ADAP1: variants seen among roughly 807,000 people sequenced by gnomAD.
ADAP1 encodes arf-GAP with dual PH domain-containing protein 1.
A neutral mutation model predicts 54.9 loss-of-function variants in ADAP1; 31 were observed. The ratio of observed to expected loss-of-function variants is 0.56; its 90% CI spans 0.42 to 0.76. The LOEUF is 0.76. Among genes scored for constraint, ADAP1 ranks in the 30% least tolerant of loss-of-function variants. The pLI is 0.00. For synonymous variants in ADAP1, 313 were observed against 202.6 expected, an observed-to-expected ratio of 1.55 and a Z score of -4.63; for missense variants, 535 against 512.4, an observed-to-expected ratio of 1.04 and a Z score of -0.42.
Position 898,923 on chromosome 7 carries a change from A to G in ADAP1, c.1123T>C (p.Ter375GlnextTer45). 1 of 1,606,578 alleles carries G rather than the reference A, an allele frequency of 6.2e-7. No individual in the cohort carries two copies. The highest frequency in any genetic ancestry group is 8.5e-7 in the Non-Finnish European group (1 of 1,177,024). ...CCGTGGTCCTCCAGCCGCACTCGCT[A>G]AGGTTTATGCTTGAAGTGCGCCTCC... is the stretch of plus-strand genomic sequence containing the variant. Reference protein sequence around the residue: ...AVEAHFKHKP* With the variant: ...AVEAHFKHKPQ Residue 375 changes from the stop codon to glutamine, a stop_lost, in exon 11 of 11, where the codon TAG becomes CAG. Transcript: ENST00000265846.
At chr7:908,159 G>A (rs1358267396) in intron 4 of ADAP1, among the ~76,000 whole-genome samples, 1 of 152,186 alleles carries the variant, frequency 6.6e-6, no homozygotes, top group East Asian at 1.9e-4. Context: ...GGGGCTGTGG[G>A]CTCCAGGCGG....
chr7:952,312 G>A (rs73044454), intron 1 of ADAP1, among the ~76,000 whole-genome samples: 3,553 of 152,208 alleles, frequency 0.023, 107 homozygotes, highest in Non-Finnish European at 0.032. Flanking sequence ...CAGGCCTGGC[G>A]TTCAGAGGTG....
intron 1 of ADAP1, among the ~76,000 whole-genome samples, chr7:947,533 C>G (rs562846967): frequency 6.6e-6 from 1 of 152,138 alleles, no homozygotes; most frequent in Admixed American, 6.5e-5. Flanking sequence ...ACTGCTCCCA[C>G]GTCCCCATCT....
At chr7:913,633 C>G (rs904408830) in intron 4 of ADAP1, among the ~76,000 whole-genome samples, 2 of 152,126 alleles carry the variant, frequency 1.3e-5, no homozygotes, top group African/African-American at 4.8e-5. Flanking sequence ...CCAGCTTTAG[C>G]CATTAAAAGC....
Position 912,484 on chromosome 7 carries a change from G to A in ADAP1, c.389-7312C>T, listed in dbSNP as rs572539177. Among the ~76,000 whole-genome samples, 7 of 152,290 alleles carry A rather than the reference G, an allele frequency of 4.6e-5. No homozygotes were observed. In the South Asian group the frequency reaches 6.2e-4, roughly 14 times the overall value. On this transcript the variant is annotated intron_variant, in intron 4 of 10. Transcript: ENST00000265846. ...CGCAGTGACCTTGGCCCAGGGAGGC[G>A]GCGCAGAGGGTGGGGGAGCCCTGCT...
chr7:905,782 A>G lies in ADAP1; in HGVS notation c.389-610T>C, dbSNP rs867344176. ...AGAAGGGAGAAAGGAGAAAGGAGAA[A>G]GGAGAAAGGAGAAAGGAGAAAGGAG... On this transcript the variant is annotated intron_variant, in intron 4 of 10. Transcript: ENST00000265846. 2.3e-3 allele frequency among the ~76,000 whole-genome samples: 70 copies of G among 30,168 alleles called. 1 individual carries two copies. The highest frequency in any genetic ancestry group is 2.8e-3 in the African/African-American group (19 of 6,826). The allele number at this position is 30,168 out of a possible 152,430, so 19.8% of individuals were successfully genotyped here.
intron 2 of ADAP1, among the ~76,000 whole-genome samples, chr7:934,516 C>T (rs538262791): frequency 8.4e-4 from 128 of 152,248 alleles, no homozygotes; most frequent in African/African-American, 2.8e-3. Flanking sequence ...TGCGGCCCTT[C>T]GGTCCCACTC....
At chr7:901,035 G>A (rs753576412) in intron 6 of ADAP1, 4 of 473,452 alleles carry the variant, frequency 8.4e-6, no homozygotes, top group South Asian at 1.5e-5. Flanking sequence ...AGCAAGTCTT[G>A]GGGTGGTGGG....
Position 946,940 on chromosome 7 carries a change from T to TG in ADAP1, c.82+7455dup, listed in dbSNP as rs2128112137. Among the ~76,000 whole-genome samples the TG allele has an allele frequency of 6.6e-6, 1 of 152,354 alleles. No individual in the cohort carries two copies. Among genetic ancestry groups the TG allele is most frequent in the Non-Finnish European group, 1.5e-5 (1 of 68,024 alleles). ...GGAGCCCAGGAGTTCGAGACCAGCCTGGGCAACATAGTGAGACACCGCGAC... is the reference window on the plus strand; with the variant it reads ...GGAGCCCAGGAGTTCGAGACCAGCCTGGGGCAACATAGTGAGACACCGCGAC... On this transcript the variant is annotated intron_variant, in intron 1 of 10. Coordinates refer to ENST00000265846, the MANE Select transcript of ADAP1 (RefSeq NM_006869.4). The surrounding 1 kb of genome is among the most constrained non-coding windows in gnomAD (Gnocchi z 4.3).
chr7:905,298 C>G (rs1458095173), intron 4 of ADAP1, 126 bp from the exon 5 acceptor site: 5 of 260,668 alleles, frequency 1.9e-5, no homozygotes, highest in South Asian at 3.5e-5. Flanking sequence ...GGGACACGGA[C>G]AGGGGGAGAC....
intron 4 of ADAP1, among the ~76,000 whole-genome samples, chr7:916,564 G>A (rs1845940097): frequency 6.6e-6 from 1 of 152,186 alleles, no homozygotes; most frequent in Non-Finnish European, 1.5e-5. Flanking sequence ...ATTCTTTGGG[G>A]GTTTAAGGCA....
rs1845072746 is a variant in ADAP1, at chr7:905,297, ACAGGG to A, written c.389-130_389-126del. 7.6e-6 allele frequency: 2 copies of A among 262,118 alleles called. 1 individual carries two copies. Among genetic ancestry groups the A allele is most frequent in the Non-Finnish European group, 1.3e-5 (2 of 151,980 alleles). The allele number at this position is 262,118 out of a possible 1,614,324, so 16.2% of individuals were successfully genotyped here. Reference sequence around the variant, plus strand: ...CGGGGGACACGGACGGGGGACACGGACAGGGGGAGACGGACGGGGAGAGGGGACAT... The same window carrying A: ...CGGGGGACACGGACGGGGGACACGGAGGAGACGGACGGGGAGAGGGGACAT... On this transcript the variant is annotated intron_variant, in intron 4 of 10. Transcript: ENST00000265846.
chr7:930,273 G>A (rs1453851524), intron 2 of ADAP1, among the ~76,000 whole-genome samples: 1 of 150,948 alleles, frequency 6.6e-6, no homozygotes, highest in East Asian at 1.9e-4. Flanking sequence ...AGAAAAAAAT[G>A]TTTTTGGTAT....
intron 1 of ADAP1, among the ~76,000 whole-genome samples, chr7:951,382 A>AG (rs1279519493): frequency 2.0e-5 from 3 of 148,200 alleles, no homozygotes; most frequent in Admixed American, 6.7e-5. Flanking sequence ...CAAAAAAAAA[A>AG]AAAAATATCC....
intron 1 of ADAP1, among the ~76,000 whole-genome samples, chr7:942,360 AAG>A (rs1213730979): frequency 2.5e-5 from 3 of 121,066 alleles, no homozygotes; most frequent in Non-Finnish European, 5.2e-5. Context: ...GAGGAAGAGG[AAG>A]AGAGAGGAGG....
rs991269605 is a variant in ADAP1, at chr7:945,805, C to T, written c.82+8591G>A. ...AGGTGACTCAGCCGCTCACCATTTC[C>T]GGAGCTGGTCTGGGGCACCTGGGCA... is the stretch of plus-strand genomic sequence containing the variant. On this transcript the variant is annotated intron_variant, in intron 1 of 10. Coordinates refer to ENST00000265846, the MANE Select transcript of ADAP1 (RefSeq NM_006869.4). The surrounding 1 kb of genome is among the most constrained non-coding windows in gnomAD (Gnocchi z 4.2). The T allele has an allele frequency of 3.5e-5, 34 of 985,470 alleles. No homozygotes were observed. Among genetic ancestry groups the T allele is most frequent in the South Asian group, 4.7e-5 (1 of 21,296 alleles). 61.0% of individuals were successfully genotyped at this position (985,470 alleles called of 1,614,324 possible).
chr7:934,393 G>C lies in ADAP1; in HGVS notation c.213+982C>G, dbSNP rs1297230153. On this transcript the variant is annotated intron_variant, in intron 2 of 10. Coordinates refer to ENST00000265846, the MANE Select transcript of ADAP1 (RefSeq NM_006869.4). ...GCCAGAGTCAGTGGTGTTGGAGAGG[G>C]GGGGCCCAGGGTCAATGGTGCTGGA... Among the ~76,000 whole-genome samples, 7 of 150,980 alleles carry C rather than the reference G, an allele frequency of 4.6e-5. 1 individual carries two copies. Among genetic ancestry groups the C allele is most frequent in the Admixed American group, 4.6e-4 (7 of 15,196 alleles).
intron 2 of ADAP1, among the ~76,000 whole-genome samples, chr7:933,139 CGT>C (rs1562932069): frequency 2.0e-4 from 31 of 151,876 alleles, no homozygotes; most frequent in African/African-American, 7.5e-4. Context: ...GGCGTGGTGG[CGT>C]GCACCTGCAA....
At chr7:913,031 G>A (rs1236796913) in intron 4 of ADAP1, among the ~76,000 whole-genome samples, 3 of 152,074 alleles carry the variant, frequency 2.0e-5, no homozygotes, top group Non-Finnish European at 4.4e-5. Flanking sequence ...TTTGTCTTGA[G>A]ACGGAGTCTC....
Sources: allele counts gnomAD v4.1 joint callset (sites outside exome capture counted in the v4.1 genomes callset), GRCh38; gene constraint gnomAD v4.1.1; non-coding constraint Gnocchi (gnomAD v3.1); transcripts MANE v1.5; gene names NCBI Gene and HGNC (gene_info 2026-07-23, HGNC 2026-07-21).